The following ITPR2 variants were observed in gnomAD, a reference collection of about 807,000 sequenced individuals.
ITPR2 encodes the protein inositol 1,4,5-trisphosphate receptor type 2.
A neutral mutation model predicts 317.1 loss-of-function variants in ITPR2; 207 were observed. That is an observed-to-expected ratio of 0.65 (90% confidence interval 0.58 to 0.73). ITPR2 has a LOEUF of 0.73. Among genes scored for constraint, ITPR2 ranks in the 30% least tolerant of loss-of-function variants. The probability of loss-of-function intolerance (pLI) is 0.00; values close to 1 mark genes in which losing one functional copy is unlikely to be tolerated. For synonymous variants in ITPR2, 1,156 were observed against 1,149.1 expected (o/e 1.01, Z -0.12); for missense variants, 2,613 against 3,284.0 (o/e 0.80, Z 4.99).
chr12:26,476,016 T>C (rs1942409786), intron 44 of ITPR2, among the ~76,000 whole-genome samples: 1 of 152,196 alleles, frequency 6.6e-6, no homozygotes, highest in Non-Finnish European at 1.5e-5. Context: ...CACAGTGCCA[T>C]TGTTGAATAA....
At chr12:26,716,911 C>T (rs1948748785) in intron 5 of ITPR2, among the ~76,000 whole-genome samples, 1 of 152,154 alleles carries the variant, frequency 6.6e-6, no homozygotes, top group Non-Finnish European at 1.5e-5. Context: ...GAAAAGTGCT[C>T]TACAGAAGTA....
intron 34 of ITPR2, among the ~76,000 whole-genome samples, chr12:26,571,144 T>C (rs1945149478): frequency 6.6e-6 from 1 of 152,238 alleles, no homozygotes; most frequent in South Asian, 2.1e-4. Context: ...AATTTCTACA[T>C]ATAAAAAGAC....
intron 2 of ITPR2, among the ~76,000 whole-genome samples, chr12:26,771,236 T>C (rs912578736): frequency 6.6e-6 from 1 of 152,210 alleles, no homozygotes; most frequent in Non-Finnish European, 1.5e-5. Flanking sequence ...TTCAATAAGC[T>C]ATATGACTAT....
At chr12:26,754,898 A>C (rs1949493084) in intron 2 of ITPR2, among the ~76,000 whole-genome samples, 1 of 152,240 alleles carries the variant, frequency 6.6e-6, no homozygotes, top group Non-Finnish European at 1.5e-5. Flanking sequence ...CAAACTGATT[A>C]AGATTGAATA....
Position 26,756,835 on chromosome 12 carries a change from T to C in ITPR2, c.164-31070A>G, listed in dbSNP as rs1035927656. Among the ~76,000 whole-genome samples, 3 of 152,172 alleles carry C rather than the reference T, an allele frequency of 2.0e-5. No individual in the cohort carries two copies. The South Asian group carries it at 6.2e-4, about 32-fold the overall frequency. On this transcript the variant is annotated intron_variant, in intron 2 of 56. Transcript: ENST00000381340. ...GAGCAACTCCATCTTGAATAGGAGCTGGGTTAAATGAGGCTGAGACCTATT... is the reference window on the plus strand; with the variant it reads ...GAGCAACTCCATCTTGAATAGGAGCCGGGTTAAATGAGGCTGAGACCTATT...
chr12:26,604,172 C>T (rs1203975969), intron 26 of ITPR2, among the ~76,000 whole-genome samples: 1 of 152,136 alleles, frequency 6.6e-6, no homozygotes, highest in Non-Finnish European at 1.5e-5. Flanking sequence ...TCAAACAGTG[C>T]TGATGAAAGG....
At chr12:26,532,813 G>A (rs1220793230) in intron 37 of ITPR2, among the ~76,000 whole-genome samples, 1 of 152,036 alleles carries the variant, frequency 6.6e-6, no homozygotes, top group African/African-American at 2.4e-5. Flanking sequence ...AGCCCCCTGA[G>A]TAGCCAGGAT....
intron 34 of ITPR2, among the ~76,000 whole-genome samples, chr12:26,565,068 T>C (rs1460449911): frequency 1.3e-5 from 2 of 152,190 alleles, no homozygotes; most frequent in East Asian, 3.8e-4. Flanking sequence ...GGACTTTATG[T>C]CCATCTAAAC....
chr12:26,497,057 C>T lies in ITPR2; in HGVS notation c.5074-1797G>A, dbSNP rs148302303. Among the ~76,000 whole-genome samples the T allele has an allele frequency of 2.8e-3, 365 of 129,880 alleles. 1 individual carries two copies. Among genetic ancestry groups the T allele is most frequent in the African/African-American group, 0.01 (356 of 35,300 alleles). 85.2% of individuals were successfully genotyped at this position (129,880 alleles called of 152,430 possible). A position where few individuals can be genotyped will look rare whatever the true frequency, so the allele number is the denominator to read the frequency against. ...GATAATGATTTGAAATGTCAAATGA[C>T]ATGAAATCCTGCCCATTCTACCTTT... On this transcript the variant is annotated intron_variant, in intron 37 of 56. Coordinates refer to ENST00000381340, the MANE Select transcript of ITPR2 (RefSeq NM_002223.4).
At chr12:26,407,208 T>C (rs1212257967) in intron 52 of ITPR2, among the ~76,000 whole-genome samples, 3 of 152,210 alleles carry the variant, frequency 2.0e-5, no homozygotes, top group Admixed American at 6.5e-5. Context: ...AATGATGTTC[T>C]TTGTGTAATA....
intron 37 of ITPR2, among the ~76,000 whole-genome samples, chr12:26,529,927 C>CTTTCA (rs1182868916): frequency 3.3e-5 from 5 of 152,186 alleles, no homozygotes; most frequent in Non-Finnish European, 7.3e-5. Flanking sequence ...GTTTTGTTTT[C>CTTTCA]TTTCACAACT....
At chr12:26,428,629 T>C (rs1242700303) in intron 48 of ITPR2, among the ~76,000 whole-genome samples, 2 of 152,216 alleles carry the variant, frequency 1.3e-5, no homozygotes, top group East Asian at 3.8e-4. Context: ...TGAGTGTGTG[T>C]ATTTGAAGGC....
intron 43 of ITPR2, 114 bp from the exon 44 acceptor site, chr12:26,477,121 A>G: frequency 1.7e-6 from 1 of 599,408 alleles, no homozygotes; most frequent in East Asian, 2.8e-5. Context: ...AACGGAATTT[A>G]AAACTGCTAA....
rs1270623294 is a variant in ITPR2, at chr12:26,831,672, A to ATTTATTTATACATATTTATT, written c.92+1017_92+1018insAATAAATATGTATAAATAAA. Among the ~76,000 whole-genome samples, 1 of 140,618 alleles carries ATTTATTTATACATATTTATT rather than the reference A, an allele frequency of 7.1e-6. No individual in the cohort carries two copies. The highest frequency in any genetic ancestry group is 7.2e-5 in the Admixed American group (1 of 13,916). The allele number at this position is 140,618 out of a possible 152,430, so 92.3% of individuals were successfully genotyped here. A position where few individuals can be genotyped will look rare whatever the true frequency, so the allele number is the denominator to read the frequency against. ...ATTTAACCATTTGGCACACTGTTTTATATATAAATATATATATATATTCTA... is the reference window on the plus strand; with the variant it reads ...ATTTAACCATTTGGCACACTGTTTTATTTATTTATACATATTTATTTATATAAATATATATATATATTCTA... On this transcript the variant is annotated intron_variant, in intron 1 of 56. Transcript: ENST00000381340. The surrounding 1 kb of genome is among the most constrained non-coding windows in gnomAD (Gnocchi z 4.9).
At chr12:26,769,064 C>G (rs1209161299) in intron 2 of ITPR2, among the ~76,000 whole-genome samples, 1 of 149,366 alleles carries the variant, frequency 6.7e-6, no homozygotes, top group Admixed American at 6.7e-5. Flanking sequence ...TACAGAAGCA[C>G]CAGGACTCAG....
chr12:26,356,429 G>A (rs1424362679), intron 55 of ITPR2, among the ~76,000 whole-genome samples: 9 of 152,222 alleles, frequency 5.9e-5, no homozygotes, highest in South Asian at 2.1e-4. Context: ...AAGTGAGACC[G>A]AAAGAATACG....
chr12:26,412,988 C>T (rs1482316398), intron 51 of ITPR2, among the ~76,000 whole-genome samples: 1 of 152,132 alleles, frequency 6.6e-6, no homozygotes, highest in South Asian at 2.1e-4. Context: ...ACATAGGTGG[C>T]TCCAGCAGAA....
Position 26,682,559 on chromosome 12 carries a change from T to C in ITPR2, c.1248+15A>G. Reference sequence around the variant, plus strand: ...GCATTTGGCTGAAAATTAAACCATCTTCAGTGACATTTACCTTTAACATAA... The same window carrying C: ...GCATTTGGCTGAAAATTAAACCATCCTCAGTGACATTTACCTTTAACATAA... On this transcript the variant is annotated intron_variant, in intron 12 of 56. Transcript: ENST00000381340. 2 of 1,531,370 alleles carry C rather than the reference T, an allele frequency of 1.3e-6. No individual in the cohort carries two copies. Among genetic ancestry groups the C allele is most frequent in the Non-Finnish European group, 1.8e-6 (2 of 1,110,804 alleles). 94.9% of individuals were successfully genotyped at this position (1,531,370 alleles called of 1,614,324 possible). A position where few individuals can be genotyped will look rare whatever the true frequency, so the allele number is the denominator to read the frequency against.
At chr12:26,548,300 T>C (rs1591885556) in intron 37 of ITPR2, among the ~76,000 whole-genome samples, 1 of 152,062 alleles carries the variant, frequency 6.6e-6, no homozygotes, top group Admixed American at 6.6e-5. Flanking sequence ...AAGCCTGAGG[T>C]ACATTATAGG....
Sources: allele counts gnomAD v4.1 joint callset (sites outside exome capture counted in the v4.1 genomes callset), GRCh38; gene constraint gnomAD v4.1.1; non-coding constraint Gnocchi (gnomAD v3.1); transcripts MANE v1.5; gene names NCBI Gene and HGNC (gene_info 2026-07-23, HGNC 2026-07-21).